Variants in UGT1A4 observed in about 807,000 individuals in gnomAD.
UGT1A4 encodes UDP glucuronosyltransferase family 1 member A4, also known as UDP-glucuronosyltransferase 1A4.
Under a neutral mutation model 41.1 loss-of-function variants are expected in UGT1A4, and 32 were observed. That is an observed-to-expected ratio of 0.78 (90% CI 0.59 to 1.05). The LOEUF is 1.05. Ranked by LOEUF, UGT1A4 falls within the 50% of genes least tolerant of loss-of-function variation. The pLI, the probability that UGT1A4 is intolerant of heterozygous loss-of-function variation, is 0.00. For missense variants in UGT1A4, 748 were observed against 677.4 expected (o/e 1.10, Z -1.16); for synonymous variants, 283 against 265.1 (o/e 1.07, Z -0.66).
chr2:233,731,474 C>T (rs1441120863), intron 1 of UGT1A4, among the ~76,000 whole-genome samples: 3 of 152,238 alleles, frequency 2.0e-5, no homozygotes, highest in Middle Eastern at 3.4e-3. Context: ...TGTGATGTTC[C>T]CTGGCCTGTG....
In UGT1A4 at chr2:233,723,536, T is replaced by TTTTA. The variant is rs1553611580; in HGVS notation, c.867+3849_867+3850insTTTA. The stretch of plus-strand genomic sequence containing the variant: ...ACAATCTTTTTTTTTTTTTTTTTTT[T>TTTTA]AATTTATTTTTTTATTGATAATTCT... On this transcript the variant is annotated intron_variant, in intron 1 of 4. Transcript: ENST00000373409. 3.3e-5 allele frequency among the ~76,000 whole-genome samples: 4 copies of TTTTA among 121,446 alleles called. 1 individual carries two copies. Among genetic ancestry groups the TTTTA allele is most frequent in the Admixed American group, 1.7e-4 (2 of 11,926 alleles). 79.7% of individuals were successfully genotyped at this position (121,446 alleles called of 152,430 possible). A position where few individuals can be genotyped will look rare whatever the true frequency, so the allele number is the denominator to read the frequency against.
chr2:233,729,265 G>A (rs761772546), intron 1 of UGT1A4: 3 of 1,614,128 alleles, frequency 1.9e-6, no homozygotes, highest in East Asian at 2.2e-5. Flanking sequence ...CATGCGGGAG[G>A]TCTTGCGGGA....
chr2:233,769,890 A>C lies in UGT1A4; in HGVS notation c.1307+1451A>C. On this transcript the variant is annotated intron_variant, in intron 4 of 4. Transcript: ENST00000373409. This position sits in a 1 kb window ranked among gnomAD's most constrained non-coding sequence, Gnocchi z 4.4. Reference sequence around the variant, plus strand: ...AAAAAAAAAATGAAAAGTCCACATAACCTGAGCATCATGTGCCCAGAGCGT... The same window carrying C: ...AAAAAAAAAATGAAAAGTCCACATACCCTGAGCATCATGTGCCCAGAGCGT... 1 of 371,658 alleles carries C rather than the reference A, an allele frequency of 2.7e-6. No homozygotes were observed. 23.0% of individuals were successfully genotyped at this position (371,658 alleles called of 1,614,324 possible).
chr2:233,744,127 T>G, intron 1 of UGT1A4: 2 of 357,210 alleles, frequency 5.6e-6, no homozygotes, highest in South Asian at 4.6e-5. Context: ...TGAGGCTCTG[T>G]GAGGCCCTGT....
rs751107175 is a variant in UGT1A4, at chr2:233,761,195, A to G, written c.868-5839A>G. On this transcript the variant is annotated intron_variant, in intron 1 of 4. Coordinates refer to ENST00000373409, the MANE Select transcript of UGT1A4 (RefSeq NM_007120.3). ...CTTTTACATGCGTATATTCTTTCAG[A>G]TGTATTACTTTGGATCGATTAACTA... The G allele has an allele frequency of 4.3e-6, 7 of 1,613,994 alleles. No individual in the cohort carries two copies. The African/African-American group carries it at 8.0e-5, about 18-fold the overall frequency.
intron 1 of UGT1A4, among the ~76,000 whole-genome samples, chr2:233,766,030 T>C (rs1699031602): frequency 6.6e-6 from 1 of 152,104 alleles, no homozygotes; most frequent in Non-Finnish European, 1.5e-5. Context: ...AGTTTTGCCC[T>C]CTATAGTCAG....
At chr2:233,764,379 G>A (rs1698547509) in intron 1 of UGT1A4, among the ~76,000 whole-genome samples, 1 of 152,204 alleles carries the variant, frequency 6.6e-6, no homozygotes, top group South Asian at 2.1e-4. Flanking sequence ...TCAGGTAGGA[G>A]TTGGCCGTGA....
At chr2:233,757,089 G>C (rs553473050) in intron 1 of UGT1A4, among the ~76,000 whole-genome samples, 2 of 151,396 alleles carry the variant, frequency 1.3e-5, no homozygotes, top group Admixed American at 1.3e-4. Flanking sequence ...AGGGTAAGAG[G>C]CAGAGGGAGG....
At chr2:233,744,781 G>A (rs1479146007) in intron 1 of UGT1A4, among the ~76,000 whole-genome samples, 1 of 151,856 alleles carries the variant, frequency 6.6e-6, no homozygotes, top group Non-Finnish European at 1.5e-5. Context: ...AAATTCTCCT[G>A]AAAAATTCTT....
At chr2:233,729,551 A>C (rs749535297) in intron 1 of UGT1A4, 5 of 1,614,156 alleles carry the variant, frequency 3.1e-6, no homozygotes, top group Non-Finnish European at 3.4e-6. Context: ...AGGCACCTGA[A>C]TGCTACTTCC....
Position 233,769,443 on chromosome 2 carries a change from G to T in UGT1A4, c.1307+1004G>T. 1.3e-6 allele frequency: 2 copies of T among 1,564,916 alleles called. No homozygotes were observed. The highest frequency in any genetic ancestry group is 1.8e-6 in the Non-Finnish European group (2 of 1,139,736). On this transcript the variant is annotated intron_variant, in intron 4 of 4. Coordinates refer to ENST00000373409, the MANE Select transcript of UGT1A4 (RefSeq NM_007120.3). This position sits in a 1 kb window ranked among gnomAD's most constrained non-coding sequence, Gnocchi z 4.4. The stretch of plus-strand genomic sequence containing the variant: ...CATGTGGCTGTGCTCATGTGTGGGT[G>T]CACACGTGTGCATTCATATGCGTGT...
At position 233,772,640 on chromosome 2, in the gene UGT1A4, C is replaced by T; in HGVS notation, c.*81C>T. On this transcript the variant is annotated 3_prime_UTR_variant, in exon 5 of 5. Transcript: ENST00000373409. ...TTGAAAACAGAATCAGTGTTAAATTCATTTTATTCTTATTAAGGAAATACT... is the reference window on the plus strand; with the variant it reads ...TTGAAAACAGAATCAGTGTTAAATTTATTTTATTCTTATTAAGGAAATACT... 2 of 1,552,730 alleles carry T rather than the reference C, an allele frequency of 1.3e-6. No individual in the cohort carries two copies. The highest frequency in any genetic ancestry group is 1.7e-6 in the Non-Finnish European group (2 of 1,148,442).
chr2:233,724,357 C>G (rs1187389478), intron 1 of UGT1A4, among the ~76,000 whole-genome samples: 134 of 144,268 alleles, frequency 9.3e-4, no homozygotes, highest in African/African-American at 3.3e-3. Context: ...CCACCTCCCT[C>G]CCGGACGGGG....
In UGT1A4 at chr2:233,769,736, T is replaced by C. The variant is rs1415322181; in HGVS notation, c.1307+1297T>C. 6.9e-6 allele frequency: 10 copies of C among 1,453,324 alleles called. No individual in the cohort carries two copies. Among genetic ancestry groups the C allele is most frequent in the Non-Finnish European group, 9.1e-6 (10 of 1,101,886 alleles). The allele number at this position is 1,453,324 out of a possible 1,614,324, so 90.0% of individuals were successfully genotyped here. A position where few individuals can be genotyped will look rare whatever the true frequency, so the allele number is the denominator to read the frequency against. The stretch of plus-strand genomic sequence containing the variant: ...TAGGCACCATGGCACACGCCTGTAG[T>C]CCCAGCCACTCTGGAGGCTAAGGCG... On this transcript the variant is annotated intron_variant, in intron 4 of 4. Coordinates refer to ENST00000373409, the MANE Select transcript of UGT1A4 (RefSeq NM_007120.3). The surrounding 1 kb of genome is among the most constrained non-coding windows in gnomAD (Gnocchi z 4.4).
intron 1 of UGT1A4, among the ~76,000 whole-genome samples, chr2:233,732,779 AT>A (rs1417655336): frequency 8.9e-6 from 1 of 112,574 alleles, no homozygotes; most frequent in South Asian, 2.6e-4. Context: ...TTTGCTTAGG[AT>A]TGTCTTGGCA....
In UGT1A4 at chr2:233,743,718, G is replaced by A. The variant is rs751411472; in HGVS notation, c.868-23316G>A. The stretch of plus-strand genomic sequence containing the variant: ...CCCTCCGCCCCCGCCTCGCCATAGC[G>A]GTCATAGATATCGCGTTTCTTGGCG... On this transcript the variant is annotated intron_variant, in intron 1 of 4. Transcript: ENST00000373409. The A allele has an allele frequency of 1.2e-5, 16 of 1,367,210 alleles. No homozygotes were observed. In the East Asian group the frequency reaches 1.8e-4, roughly 16 times the overall value. 84.7% of individuals were successfully genotyped at this position (1,367,210 alleles called of 1,614,324 possible). A position where few individuals can be genotyped will look rare whatever the true frequency, so the allele number is the denominator to read the frequency against.
rs183860423 is a variant in UGT1A4 at position 233,740,220 on chromosome 2, G to A, written c.867+20533G>A. On this transcript the variant is annotated intron_variant, in intron 1 of 4. Transcript: ENST00000373409. ...TTATAAATTACCCAGTCTCAGCTGC[G>A]TCTTTATAGCAGGCTGAGAATAGAC... 6.2e-3 allele frequency among the ~76,000 whole-genome samples: 938 copies of A among 151,912 alleles called. 14 individuals are homozygous for A. The highest frequency in any genetic ancestry group is 5.9e-3 in the Non-Finnish European group (404 of 68,030).
chr2:233,743,311 AT>A, intron 1 of UGT1A4: 5 of 650,736 alleles, frequency 7.7e-6, no homozygotes, highest in South Asian at 3.0e-5. Context: ...CTTGGTGGTG[AT>A]TTTTTTACCA....
Position 233,749,147 on chromosome 2 carries a change from T to C in UGT1A4, c.868-17887T>C, listed in dbSNP as rs149958207. ...TTCACTGAATGCATATGAACTTCCA[T>C]GACTTGATCCTTTTGTATTTTTATT... On this transcript the variant is annotated intron_variant, in intron 1 of 4. Transcript: ENST00000373409. Among the ~76,000 whole-genome samples, 47 of 152,004 alleles carry C rather than the reference T, an allele frequency of 3.1e-4. 1 individual carries two copies. Among genetic ancestry groups the C allele is most frequent in the African/African-American group, 9.9e-4 (41 of 41,258 alleles).
Sources: allele counts gnomAD v4.1 joint callset (sites outside exome capture counted in the v4.1 genomes callset), GRCh38; gene constraint gnomAD v4.1.1; non-coding constraint Gnocchi (gnomAD v3.1); transcripts MANE v1.5; gene names NCBI Gene and HGNC (gene_info 2026-07-23, HGNC 2026-07-21).